RARB: variants seen among roughly 807,000 people sequenced by gnomAD.
The protein encoded by RARB is retinoic acid receptor beta.
In RARB, 17 loss-of-function variants were observed where a neutral mutation model predicts 51.9. That is an observed-to-expected ratio of 0.33 (90% CI 0.22 to 0.49). The LOEUF (loss-of-function observed/expected upper bound fraction) is 0.49. Ranked by LOEUF, RARB falls within the 20% of genes least tolerant of loss-of-function variation. The pLI is 0.99. For synonymous variants in RARB, 215 were observed against 195.4 expected (o/e 1.10, Z -0.84); for missense variants, 369 against 550.8 (o/e 0.67, Z 3.30).
At position 25,503,224 on chromosome 3, in the gene RARB, A is replaced by T. The variant is rs565144283; in HGVS notation, c.448+1901A>T. ...CTCAGGCTCTAAATCCTTCCACTGA[A>T]GAGAAAAGCAGGATAACCTGAAATA... On this transcript the variant is annotated intron_variant, in intron 3 of 7. Transcript: ENST00000330688. Among the ~76,000 whole-genome samples the T allele has an allele frequency of 2.6e-5, 4 of 152,350 alleles. No homozygotes were observed. In the East Asian group the frequency reaches 7.7e-4, roughly 29 times the overall value.
intron 5 of RARB, among the ~76,000 whole-genome samples, chr3:25,205,888 C>T (rs1020910076): frequency 3.9e-5 from 6 of 152,054 alleles, no homozygotes; most frequent in African/African-American, 1.4e-4. Flanking sequence ...GGACTACAGG[C>T]ATGAGCCATC....
intron 5 of RARB, among the ~76,000 whole-genome samples, chr3:25,248,503 T>C (rs887764033): frequency 6.6e-5 from 10 of 152,174 alleles, no homozygotes; most frequent in Non-Finnish European, 1.3e-4. Flanking sequence ...ATTGGACCCT[T>C]TCCTTTCCTT....
At chr3:24,957,828 A>T (rs1696049937) in intron 2 of RARB, among the ~76,000 whole-genome samples, 1 of 152,182 alleles carries the variant, frequency 6.6e-6, no homozygotes, top group African/African-American at 2.4e-5. Context: ...CAGGGCAAAA[A>T]GTGATCATAT....
chr3:25,207,261 A>T (rs533189259), intron 5 of RARB, among the ~76,000 whole-genome samples: 1 of 152,156 alleles, frequency 6.6e-6, no homozygotes, highest in East Asian at 1.9e-4. Flanking sequence ...CTTTACTGAG[A>T]AAATCTCTGT....
At chr3:25,144,232 T>C (rs1700153794) in intron 4 of RARB, among the ~76,000 whole-genome samples, 2 of 152,106 alleles carry the variant, frequency 1.3e-5, no homozygotes, top group Non-Finnish European at 2.9e-5. Flanking sequence ...GATGGCAGGG[T>C]ACTTAAAAAC....
chr3:25,334,005 A>T (rs189706598), intron 5 of RARB, among the ~76,000 whole-genome samples: 16 of 152,302 alleles, frequency 1.1e-4, no homozygotes, highest in Non-Finnish European at 2.2e-4. Flanking sequence ...TTAGAATGGC[A>T]ATCATTAAAA....
chr3:25,140,528 G>A (rs1700092333), intron 4 of RARB, among the ~76,000 whole-genome samples: 1 of 152,164 alleles, frequency 6.6e-6, no homozygotes, highest in African/African-American at 2.4e-5. Context: ...GTTGCTTCTT[G>A]TGGATGACCA....
At chr3:24,920,013 C>G (rs1695185832) in intron 2 of RARB, among the ~76,000 whole-genome samples, 1 of 152,090 alleles carries the variant, frequency 6.6e-6, no homozygotes, top group African/African-American at 2.4e-5. Context: ...TTAAATTTCT[C>G]TTTGAGAGGT....
intron 5 of RARB, among the ~76,000 whole-genome samples, chr3:25,181,317 A>G (rs1300363455): frequency 6.6e-6 from 1 of 152,170 alleles, no homozygotes; most frequent in African/African-American, 2.4e-5. Context: ...TTTACTATGC[A>G]TGTCTTATTC....
At chr3:25,072,060 T>C (rs1698777621) in intron 3 of RARB, among the ~76,000 whole-genome samples, 1 of 152,214 alleles carries the variant, frequency 6.6e-6, no homozygotes, top group South Asian at 2.1e-4. Context: ...GTTCTTATCT[T>C]GAAGGATTCT....
intron 2 of RARB, among the ~76,000 whole-genome samples, chr3:24,988,009 A>G (rs1285532547): frequency 6.6e-6 from 1 of 151,728 alleles, no homozygotes; most frequent in Non-Finnish European, 1.5e-5. Flanking sequence ...TAATTAGAAC[A>G]TTTTACAGTA....
chr3:25,138,353 T>C (rs1700062727), intron 4 of RARB, among the ~76,000 whole-genome samples: 1 of 150,122 alleles, frequency 6.7e-6, no homozygotes, highest in Non-Finnish European at 1.5e-5. Flanking sequence ...TTTTTTTTGG[T>C]AGCCAAAGGA....
chr3:25,133,134 G>A (rs544033924), intron 4 of RARB, among the ~76,000 whole-genome samples: 22 of 151,766 alleles, frequency 1.4e-4, no homozygotes, highest in African/African-American at 4.8e-4. Flanking sequence ...TTTTTATCAC[G>A]TCATCCTTAA....
intron 2 of RARB, among the ~76,000 whole-genome samples, chr3:24,896,835 A>G (rs1349591108): frequency 6.6e-6 from 1 of 152,128 alleles, no homozygotes; most frequent in Admixed American, 6.6e-5. Context: ...ATAGATCTCT[A>G]TTTCAGACAT....
chr3:25,081,623 T>TATATATATA (rs1559459573), intron 3 of RARB, among the ~76,000 whole-genome samples: 6 of 23,444 alleles, frequency 2.6e-4, no homozygotes, highest in Admixed American at 5.0e-4. Context: ...ATATATATAT[T>TATATATATA]TTTTTTTTTT....
At chr3:25,267,183 A>G (rs1221282053) in intron 5 of RARB, among the ~76,000 whole-genome samples, 1 of 152,240 alleles carries the variant, frequency 6.6e-6, no homozygotes, top group African/African-American at 2.4e-5. Flanking sequence ...TTCTGAAGAC[A>G]GAAGACTAAG....
intron 5 of RARB, among the ~76,000 whole-genome samples, chr3:25,251,950 A>G (rs547793490): frequency 6.6e-6 from 1 of 152,048 alleles, no homozygotes; most frequent in African/African-American, 2.4e-5. Flanking sequence ...AGTCACAGAA[A>G]TTTATGCCTG....
At position 25,219,726 on chromosome 3, in the gene RARB, A is replaced by G. The variant is rs1390539883; in HGVS notation, c.178+45151A>G. Among the ~76,000 whole-genome samples the G allele has an allele frequency of 2.6e-5, 4 of 152,196 alleles. No homozygotes were observed. The East Asian group carries it at 5.8e-4, about 22-fold the overall frequency. ...GGACAATTGAGTTGGATCATGAACC[A>G]CAACTTCTAGGCTTCAGGAAGTCCC... On this transcript the variant is annotated intron_variant, in intron 5 of 11. Coordinates refer to the RARB transcript ENST00000383772.
chr3:25,009,446 A>G (rs1333766021), intron 2 of RARB, among the ~76,000 whole-genome samples: 1 of 152,130 alleles, frequency 6.6e-6, no homozygotes, highest in Non-Finnish European at 1.5e-5. Context: ...GGTCTTCACA[A>G]GTAAAATGGG....
Sources: gnomAD v4.1 joint callset for allele counts (sites outside exome capture counted in the v4.1 genomes callset) on GRCh38, gnomAD v4.1.1 for gene constraint, MANE v1.5 for transcripts, NCBI Gene and HGNC (gene_info 2026-07-23, HGNC 2026-07-21) for gene names.